Variants in ST7 observed in about 807,000 individuals in gnomAD.
The protein encoded by ST7 is suppression of tumorigenicity 7, also known as suppressor of tumorigenicity 7 protein.
ST7 carries 28 observed loss-of-function variants against 78.7 expected under a neutral mutation model. The ratio of observed to expected loss-of-function variants is 0.36; its 90% confidence interval spans 0.26 to 0.49. The LOEUF is 0.49. Among genes scored for constraint, ST7 ranks in the 20% least tolerant of loss-of-function variants. The pLI is 0.99. For missense variants in ST7, 418 were observed against 696.0 expected (o/e 0.60, Z 4.49); for synonymous variants, 247 against 249.6 (o/e 0.99, Z 0.10).
intron 1 of ST7, among the ~76,000 whole-genome samples, chr7:117,062,846 G>T (rs1798430545): frequency 6.6e-6 from 1 of 152,136 alleles, no homozygotes; most frequent in Non-Finnish European, 1.5e-5. Context: ...TGTCTATTCT[G>T]TGCCAAAATA....
At chr7:117,208,902 GGTGTGTGTGTGTGTGTGTGT>G (rs58017025) in intron 12 of ST7, among the ~76,000 whole-genome samples, 13 of 139,888 alleles carry the variant, frequency 9.3e-5, no homozygotes. Context: ...TGTATGTGTG[GGTGTGTGTGTGTGTGTGTGT>G]GTGTGTGTGT....
intron 12 of ST7, among the ~76,000 whole-genome samples, chr7:117,201,276 C>T (rs1373610684): frequency 6.6e-6 from 1 of 152,074 alleles, no homozygotes; most frequent in Non-Finnish European, 1.5e-5. Flanking sequence ...GGAAATATGA[C>T]CCAGAGGAAA....
At chr7:117,183,896 A>G (rs1052048509) in intron 10 of ST7, among the ~76,000 whole-genome samples, 2 of 152,262 alleles carry the variant, frequency 1.3e-5, no homozygotes. Flanking sequence ...GTATCCACAC[A>G]ATGAAATACT....
At chr7:117,064,880 C>T (rs1000916147) in intron 1 of ST7, among the ~76,000 whole-genome samples, 12 of 152,092 alleles carry the variant, frequency 7.9e-5, no homozygotes, top group African/African-American at 2.4e-4. Context: ...TACAGGCCAT[C>T]GTATATTGAA....
chr7:117,005,680 C>A (rs1221375092), intron 1 of ST7, among the ~76,000 whole-genome samples: 3 of 151,890 alleles, frequency 2.0e-5, no homozygotes, highest in Admixed American at 6.6e-5. Flanking sequence ...TCCCAGACAT[C>A]AACTTAAAAA....
intron 1 of ST7, among the ~76,000 whole-genome samples, chr7:116,992,769 T>C (rs1275324150): frequency 6.6e-6 from 1 of 152,224 alleles, no homozygotes; most frequent in South Asian, 2.1e-4. Flanking sequence ...TTCTGAAGTT[T>C]TATGCTCTGC....
chr7:117,008,814 T>C (rs1303039473), intron 1 of ST7, among the ~76,000 whole-genome samples: 1 of 152,184 alleles, frequency 6.6e-6, no homozygotes, highest in Non-Finnish European at 1.5e-5. Context: ...GTAAATATTG[T>C]TGAACAGGGT....
chr7:117,109,624 G>A (rs558855812), intron 2 of ST7, among the ~76,000 whole-genome samples: 2 of 152,180 alleles, frequency 1.3e-5, no homozygotes, highest in Non-Finnish European at 2.9e-5. Context: ...ATTCAAAGAA[G>A]AATTGGTACC....
At chr7:117,050,812 C>T (rs1797748646) in intron 1 of ST7, among the ~76,000 whole-genome samples, 2 of 152,008 alleles carry the variant, frequency 1.3e-5, no homozygotes, top group African/African-American at 4.8e-5. Flanking sequence ...CGCCTGTAGT[C>T]CCAGCTACTC....
At chr7:117,139,840 A>G (rs1805124804) in intron 9 of ST7, among the ~76,000 whole-genome samples, 1 of 152,194 alleles carries the variant, frequency 6.6e-6, no homozygotes, top group African/African-American at 2.4e-5. Context: ...CTTGCTCTCA[A>G]AGCTTTTTAA....
chr7:116,956,884 G>C (rs780860796), intron 1 of ST7: 1 of 343,064 alleles, frequency 2.9e-6, no homozygotes, highest in Non-Finnish European at 5.7e-6. Flanking sequence ...GCTGGGCAAG[G>C]CTGTGAGAGC....
intron 2 of ST7, among the ~76,000 whole-genome samples, chr7:117,105,419 C>T (rs1801877373): frequency 6.6e-6 from 1 of 152,028 alleles, no homozygotes; most frequent in African/African-American, 2.4e-5. Flanking sequence ...TAGCTGGGAC[C>T]ACAGGTGCGT....
chr7:117,185,792 G>A (rs914487206), intron 10 of ST7, among the ~76,000 whole-genome samples: 19 of 152,102 alleles, frequency 1.2e-4, no homozygotes, highest in East Asian at 3.9e-4. Flanking sequence ...GCATGGTGGC[G>A]CATGCCTGTA....
chr7:117,050,845 A>T (rs2116364157), intron 1 of ST7, among the ~76,000 whole-genome samples: 1 of 151,442 alleles, frequency 6.6e-6, no homozygotes, highest in African/African-American at 2.4e-5. Context: ...CAGGAGAATC[A>T]CTTGGACCCA....
intron 12 of ST7, among the ~76,000 whole-genome samples, chr7:117,208,140 T>G (rs193586): frequency 0.7 from 105,953 of 151,886 alleles, 37,365 homozygotes; most frequent in East Asian, 0.92. Flanking sequence ...TGGATTGCTG[T>G]GTAATTCTCT....
intron 1 of ST7, chr7:116,956,779 A>G (rs1243128658): frequency 2.8e-5 from 11 of 385,980 alleles, no homozygotes; most frequent in Non-Finnish European, 5.2e-5. Flanking sequence ...ATGTACTATA[A>G]CAGGTGCTAT....
chr7:117,182,446 G>T (rs115137230), intron 10 of ST7, among the ~76,000 whole-genome samples: 2,849 of 152,268 alleles, frequency 0.019, 81 homozygotes, highest in African/African-American at 0.063. Flanking sequence ...AAACTATTAA[G>T]ATTTAATGGC....
At chr7:117,135,243 A>C (rs563752488) in intron 7 of ST7, among the ~76,000 whole-genome samples, 1 of 152,074 alleles carries the variant, frequency 6.6e-6, no homozygotes, top group Non-Finnish European at 1.5e-5. Context: ...CCCCATGTTC[A>C]TTAATTATCC....
intron 1 of ST7, among the ~76,000 whole-genome samples, chr7:117,084,604 T>C (rs953205827): frequency 6.6e-6 from 1 of 152,218 alleles, no homozygotes; most frequent in African/African-American, 2.4e-5. Context: ...AATCTTCACT[T>C]TCTTATCTCT....
Sources: allele counts gnomAD v4.1 joint callset (sites outside exome capture counted in the v4.1 genomes callset), GRCh38; gene constraint gnomAD v4.1.1; transcripts MANE v1.5; gene names NCBI Gene and HGNC (gene_info 2026-07-23, HGNC 2026-07-21).